Variants in SHC4 observed in about 807,000 individuals in gnomAD.
SHC4 encodes SHC-transforming protein 4.
A neutral mutation model predicts 69.4 loss-of-function variants in SHC4; 41 were observed. The ratio of observed to expected loss-of-function variants is 0.59; its 90% confidence interval spans 0.46 to 0.77. SHC4 has a LOEUF of 0.77. SHC4 is among the 30% of genes least tolerant of loss of function. SHC4 has a pLI of 0.00. For missense variants in SHC4, 777 were observed against 783.8 expected (o/e 0.99, Z 0.10); for synonymous variants, 318 against 299.3 (o/e 1.06, Z -0.64).
chr15:48,930,493 T>A (rs1900942666), intron 1 of SHC4, among the ~76,000 whole-genome samples: 1 of 152,048 alleles, frequency 6.6e-6, no homozygotes, highest in Admixed American at 6.6e-5. Context: ...ATAATAAGAG[T>A]GCTAAGACAA....
intron 2 of SHC4, among the ~76,000 whole-genome samples, chr15:48,915,927 G>A (rs187654789): frequency 6.6e-6 from 1 of 152,068 alleles, no homozygotes; most frequent in Non-Finnish European, 1.5e-5. Context: ...CCCCTCTCTG[G>A]TGATCTTTAT....
At chr15:48,873,260 G>T (rs1291124802) in intron 4 of SHC4, among the ~76,000 whole-genome samples, 1 of 152,204 alleles carries the variant, frequency 6.6e-6, no homozygotes, top group Admixed American at 6.5e-5. Context: ...CAGAACAGTG[G>T]TTATTTCTGG....
intron 2 of SHC4, among the ~76,000 whole-genome samples, chr15:48,921,332 T>C (rs1401205719): frequency 1.5e-5 from 1 of 66,960 alleles, no homozygotes; most frequent in African/African-American, 5.2e-5. Flanking sequence ...GAAGTTATCG[T>C]TTTTTTTTTT....
chr15:48,869,228 T>C (rs1260888687), intron 5 of SHC4, among the ~76,000 whole-genome samples: 2 of 152,200 alleles, frequency 1.3e-5, no homozygotes, highest in African/African-American at 4.8e-5. Flanking sequence ...TATATAGTTA[T>C]AGAGGCATTA....
chr15:48,935,156 G>C (rs928482103), intron 1 of SHC4, among the ~76,000 whole-genome samples: 1 of 152,234 alleles, frequency 6.6e-6, no homozygotes, highest in African/African-American at 2.4e-5. Flanking sequence ...TGCAGGCAGT[G>C]TGTGATCCTT....
chr15:48,922,355 T>TGTCTTA (rs755056365), intron 2 of SHC4, among the ~76,000 whole-genome samples: 2 of 152,198 alleles, frequency 1.3e-5, no homozygotes, highest in Non-Finnish European at 2.9e-5. Context: ...TCATCCTCAG[T>TGTCTTA]GTCTTAGTCC....
intron 2 of SHC4, among the ~76,000 whole-genome samples, chr15:48,918,399 T>A (rs1900671678): frequency 1.3e-5 from 2 of 152,174 alleles, no homozygotes; most frequent in African/African-American, 2.4e-5. Context: ...ACAACCTCTA[T>A]TTCCCACCCA....
chr15:48,905,886 A>G (rs1041836662), intron 2 of SHC4, among the ~76,000 whole-genome samples: 8 of 152,244 alleles, frequency 5.3e-5, no homozygotes, highest in Admixed American at 3.9e-4. Flanking sequence ...GTATGTTTCT[A>G]TAGATTTATA....
Position 48,851,347 on chromosome 15 carries a change from T to C in SHC4, c.1243-99A>G, listed in dbSNP as rs536805968. On this transcript the variant is annotated intron_variant, in intron 8 of 11. Transcript: ENST00000332408. ...ATAATCCCAGAAGAATATAGCAGAC[T>C]TCACTTTCTGACACAGGAAATGTTT... The C allele has an allele frequency of 4.4e-6, 5 of 1,139,960 alleles. No individual in the cohort carries two copies. In the African/African-American group the frequency reaches 7.8e-5, roughly 18 times the overall value. The allele number at this position is 1,139,960 out of a possible 1,614,324, so 70.6% of individuals were successfully genotyped here. A position where few individuals can be genotyped will look rare whatever the true frequency, so the allele number is the denominator to read the frequency against.
chr15:48,834,988 G>A lies in SHC4; in HGVS notation c.1518C>T (p.Ala506=). 1 of 1,612,750 alleles carries A rather than the reference G, an allele frequency of 6.2e-7. No individual in the cohort carries two copies. The highest frequency in any genetic ancestry group is 1.3e-5 in the African/African-American group (1 of 75,024). Residue 506 remains alanine (A), a synonymous_variant, in exon 11 of 12, where the codon GCC becomes GCT. Coordinates refer to ENST00000332408, the MANE Select transcript of SHC4 (RefSeq NM_203349.4). The stretch of plus-strand genomic sequence containing the variant: ...GCAAAGAATGTGAGCTGGCAGGCTG[G>A]GCTGTGGCACCCGGCTGAACAGTTT... The part of the protein sequence containing the change: ...APETVQPGAT[A]QPASSHSLPH...
intron 2 of SHC4, among the ~76,000 whole-genome samples, chr15:48,920,002 G>GAT (rs1425503212): frequency 1.4e-4 from 21 of 149,640 alleles, no homozygotes; most frequent in Non-Finnish European, 3.1e-4. Flanking sequence ...AGGCCTACAA[G>GAT]TTCACGGAGT....
At chr15:48,910,604 G>C (rs756997546) in intron 2 of SHC4, among the ~76,000 whole-genome samples, 8 of 151,732 alleles carry the variant, frequency 5.3e-5, no homozygotes, top group Non-Finnish European at 8.8e-5. Flanking sequence ...TCTTCTGCTG[G>C]GTTTGGGTTT....
chr15:48,945,650 A>G (rs1901263596), intron 1 of SHC4, among the ~76,000 whole-genome samples: 1 of 152,224 alleles, frequency 6.6e-6, no homozygotes, highest in Non-Finnish European at 1.5e-5. Flanking sequence ...ATTTATAAGA[A>G]ATAGCCAGAA....
chr15:48,841,520 C>T (rs1898987891), intron 10 of SHC4, among the ~76,000 whole-genome samples: 1 of 152,194 alleles, frequency 6.6e-6, no homozygotes, highest in South Asian at 2.1e-4. Flanking sequence ...GCCTCAGCTG[C>T]CCAGGGTTTG....
intron 2 of SHC4, among the ~76,000 whole-genome samples, chr15:48,897,916 C>T (rs1900253374): frequency 6.6e-6 from 1 of 152,196 alleles, no homozygotes; most frequent in East Asian, 1.9e-4. Flanking sequence ...AAAACAAATT[C>T]ACCTGCGTTT....
At chr15:48,872,044 A>C in intron 5 of SHC4, 45 bp downstream of exon 5, 1 of 1,225,266 alleles carries the variant, frequency 8.2e-7, no homozygotes. Flanking sequence ...AATGTCAAGA[A>C]GTTATTTTAA....
chr15:48,878,208 A>T, intron 4 of SHC4: 1 of 1,588,804 alleles, frequency 6.3e-7, no homozygotes, highest in East Asian at 2.2e-5. Context: ...TCCGAGCTGT[A>T]TGAAGAGAGC....
At chr15:48,844,306 G>A (rs1365811328) in intron 9 of SHC4, among the ~76,000 whole-genome samples, 2 of 151,940 alleles carry the variant, frequency 1.3e-5, no homozygotes, top group African/African-American at 4.8e-5. Flanking sequence ...CTGCAAATCC[G>A]GTCATATTTC....
At chr15:48,827,163 T>C (rs1354695566) in intron 11 of SHC4, among the ~76,000 whole-genome samples, 1 of 152,202 alleles carries the variant, frequency 6.6e-6, no homozygotes, top group African/African-American at 2.4e-5. Context: ...CACCTCGTTA[T>C]GTATTTCTGC....
Sources: gnomAD v4.1 joint callset for allele counts (sites outside exome capture counted in the v4.1 genomes callset) on GRCh38, gnomAD v4.1.1 for gene constraint, MANE v1.5 for transcripts, NCBI Gene and HGNC (gene_info 2026-07-23, HGNC 2026-07-21) for gene names.